Variants in HNRNPC observed in about 807,000 individuals in gnomAD.
HNRNPC encodes the protein heterogeneous nuclear ribonucleoproteins C1/C2.
HNRNPC carries 3 observed loss-of-function variants against 33.2 expected under a neutral mutation model. The ratio of observed to expected loss-of-function variants is 0.09; its 90% CI spans 0.04 to 0.23. The LOEUF is 0.23. HNRNPC is among the 10% of genes least tolerant of loss of function. HNRNPC has a pLI of 1.00. For missense variants in HNRNPC, 143 were observed against 366.7 expected (o/e 0.39, Z 4.98); for synonymous variants, 121 against 126.7 (o/e 0.96, Z 0.30).
intron 5 of HNRNPC, among the ~76,000 whole-genome samples, chr14:21,219,186 A>T (rs952893395): frequency 3.3e-5 from 5 of 152,164 alleles, no homozygotes. Context: ...ATCAACATAG[A>T]AGAGTAAGAA....
chr14:21,218,041 GA>G (rs558247481), intron 5 of HNRNPC, among the ~76,000 whole-genome samples: 17 of 149,820 alleles, frequency 1.1e-4, no homozygotes, highest in Non-Finnish European at 1.5e-4. Flanking sequence ...TTAAGAAAGG[GA>G]AAAAAAAAAT....
At chr14:21,249,593 CAAAAAAA>C (rs756880620) in intron 2 of HNRNPC, among the ~76,000 whole-genome samples, 69 of 83,454 alleles carry the variant, frequency 8.3e-4, no homozygotes, top group South Asian at 6.5e-3. Context: ...GTCTCAAAAA[CAAAAAAA>C]AAAAAAAAAA....
At chr14:21,226,343 A>C in intron 5 of HNRNPC, among the ~76,000 whole-genome samples, 1 of 150,136 alleles carries the variant, frequency 6.7e-6, no homozygotes, top group Non-Finnish European at 1.5e-5. Flanking sequence ...AAAAAAAAAA[A>C]AAGAAAGAAA....
chr14:21,215,912 AG>A (rs1459556671), intron 5 of HNRNPC, among the ~76,000 whole-genome samples: 10 of 148,612 alleles, frequency 6.7e-5, no homozygotes, highest in South Asian at 2.1e-4. Flanking sequence ...AAAAAAAAAA[AG>A]AAAGGAAGAA....
intron 6 of HNRNPC, among the ~76,000 whole-genome samples, 180 bp downstream of exon 6, chr14:21,212,780 C>G (rs905119777): frequency 1.3e-5 from 2 of 152,074 alleles, no homozygotes; most frequent in Admixed American, 1.3e-4. Flanking sequence ...CTGACCTCAG[C>G]TGATCCACCC....
At chr14:21,251,734 C>T (rs929614610) in intron 2 of HNRNPC, among the ~76,000 whole-genome samples, 2 of 152,010 alleles carry the variant, frequency 1.3e-5, no homozygotes, top group African/African-American at 4.8e-5. Flanking sequence ...AAATACTATG[C>T]TTTTTTTGTT....
At chr14:21,254,960 T>G (rs1182048282) in intron 2 of HNRNPC, among the ~76,000 whole-genome samples, 1 of 151,986 alleles carries the variant, frequency 6.6e-6, no homozygotes, top group Non-Finnish European at 1.5e-5. Context: ...AAAACTCCAT[T>G]TTAAACAGCA....
chr14:21,246,437 G>C (rs990038546), intron 2 of HNRNPC, among the ~76,000 whole-genome samples: 3 of 151,884 alleles, frequency 2.0e-5, no homozygotes, highest in Admixed American at 1.3e-4. Context: ...GTGTTGGCGG[G>C]TACCTGTAGT....
rs1218730930 is a variant in HNRNPC, at chr14:21,210,110, G to A, written c.*1113C>T. ...CACTTCAGAATTCAGAAGGTAACTG[G>A]GGCTATAAATAGTAATTAAAAGAAC... On this transcript the variant is annotated 3_prime_UTR_variant, in exon 9 of 9. Transcript: ENST00000553300. 6.6e-6 allele frequency: 1 copy of A among 152,104 alleles called. No individual in the cohort carries two copies. The highest frequency in any genetic ancestry group is 1.5e-5 in the Non-Finnish European group (1 of 68,012). The allele number at this position is 152,104 out of a possible 1,614,324, so 9.4% of individuals were successfully genotyped here.
intron 5 of HNRNPC, among the ~76,000 whole-genome samples, chr14:21,229,223 T>C (rs948105208): frequency 7.2e-5 from 11 of 151,836 alleles, no homozygotes; most frequent in Middle Eastern, 3.4e-3. Context: ...GCCCCGTCTC[T>C]ACTAAAAATA....
intron 2 of HNRNPC, among the ~76,000 whole-genome samples, chr14:21,246,194 C>T (rs754217964): frequency 2.4e-4 from 36 of 152,110 alleles, no homozygotes; most frequent in Non-Finnish European, 4.3e-4. Context: ...ATGCAGCACA[C>T]GGCTCTATAT....
chr14:21,215,934 G>T (rs546260152), intron 5 of HNRNPC, among the ~76,000 whole-genome samples: 4 of 138,636 alleles, frequency 2.9e-5, no homozygotes, highest in Non-Finnish European at 6.1e-5. Context: ...AGAAAGAAAA[G>T]GAAAAGAAAA....
intron 3 of HNRNPC, chr14:21,231,353 G>C (rs544693653): frequency 1.9e-6 from 1 of 529,420 alleles, no homozygotes; most frequent in Admixed American, 2.2e-5. Flanking sequence ...AGAAAATGTG[G>C]AACAAAACAA....
intron 2 of HNRNPC, among the ~76,000 whole-genome samples, chr14:21,246,739 C>G (rs1896019792): frequency 6.6e-6 from 1 of 152,170 alleles, no homozygotes; most frequent in Admixed American, 6.5e-5. Context: ...ACAATTACAA[C>G]TGACCTTGAA....
intron 1 of HNRNPC, among the ~76,000 whole-genome samples, chr14:21,267,906 A>T (rs1175158095): frequency 6.6e-6 from 1 of 152,186 alleles, no homozygotes; most frequent in Non-Finnish European, 1.5e-5. Flanking sequence ...CACAATGATA[A>T]ACTTTAGTTT....
At chr14:21,243,885 A>G (rs1215549250) in intron 2 of HNRNPC, among the ~76,000 whole-genome samples, 1 of 152,210 alleles carries the variant, frequency 6.6e-6, no homozygotes, top group African/African-American at 2.4e-5. Flanking sequence ...TATAATAATT[A>G]CATATTAGTA....
intron 2 of HNRNPC, among the ~76,000 whole-genome samples, chr14:21,260,362 T>C (rs1481193525): frequency 7.8e-6 from 1 of 128,654 alleles, no homozygotes; most frequent in Non-Finnish European, 1.6e-5. Flanking sequence ...CGAGACTCCG[T>C]CTTATTTAAA....
chr14:21,219,216 A>G (rs1381029389), intron 5 of HNRNPC, among the ~76,000 whole-genome samples: 1 of 152,206 alleles, frequency 6.6e-6, no homozygotes, highest in Admixed American at 6.5e-5. Context: ...CTTACAATAA[A>G]ATTCCTTTTA....
Position 21,211,444 on chromosome 14 carries a change from G to C in HNRNPC, c.760C>G (p.Leu254Val). The change falls in exon 8 of 9, where the codon CTG becomes GTG. Residue 254 changes from leucine to valine, a missense_variant. This residue lies in a region of HNRNPC where 131 missense variants were observed against 253.0 expected (regional missense o/e 0.52). Coordinates refer to ENST00000553300, the MANE Select transcript of HNRNPC (RefSeq NM_004500.4). ...CGATCTTCATTATCATCATCATCCAGTAGGTCCCCCTCCTCAGCAGAGTCA... is the reference window on the plus strand; with the variant it reads ...CGATCTTCATTATCATCATCATCCACTAGGTCCCCCTCCTCAGCAGAGTCA... ...ADDSAEEGDL[L>V]DDDDNEDRGD... 1 of 1,600,560 alleles carries C rather than the reference G, an allele frequency of 6.2e-7. No homozygotes were observed. The highest frequency in any genetic ancestry group is 8.5e-7 in the Non-Finnish European group (1 of 1,178,490).
Sources: allele counts gnomAD v4.1 joint callset (sites outside exome capture counted in the v4.1 genomes callset), GRCh38; gene constraint gnomAD v4.1.1; regional missense constraint gnomAD v4.1.1; transcripts MANE v1.5; gene names NCBI Gene and HGNC (gene_info 2026-07-23, HGNC 2026-07-21).